Variants in UBAP2 observed in about 807,000 individuals in gnomAD.
The protein encoded by UBAP2 is ubiquitin associated protein 2.
Under a neutral mutation model 139.6 loss-of-function variants are expected in UBAP2, and 75 were observed. The observed-to-expected ratio is 0.54, with a 90% CI of 0.45 to 0.65. UBAP2 has a LOEUF of 0.65. Ranked by LOEUF, UBAP2 falls within the 30% of genes least tolerant of loss-of-function variation. The pLI is 0.00. For missense variants in UBAP2, 1,368 were observed against 1,369.6 expected (o/e 1.00, Z 0.02); for synonymous variants, 526 against 526.2 (o/e 1.00, Z 0.01).
At chr9:34,008,187 G>A (rs754831279) in intron 2 of UBAP2, among the ~76,000 whole-genome samples, 4 of 151,770 alleles carry the variant, frequency 2.6e-5, no homozygotes, top group Non-Finnish European at 5.9e-5. Context: ...GCATGGTGGC[G>A]CATGCCTGTA....
At chr9:33,978,012 C>CT (rs1173300033) in intron 6 of UBAP2, among the ~76,000 whole-genome samples, 32 of 106,872 alleles carry the variant, frequency 3.0e-4, no homozygotes, top group East Asian at 1.9e-3. Flanking sequence ...GAGACTCTGT[C>CT]TTTTAAAAAA....
intron 1 of UBAP2, among the ~76,000 whole-genome samples, chr9:34,035,514 A>AAAAAAAATAT: frequency 4.4e-5 from 1 of 22,488 alleles, no homozygotes; most frequent in South Asian, 9.7e-4. Context: ...AAAAAAAAAA[A>AAAAAAAATAT]ATATATATAT....
rs1822905287 is a variant in UBAP2, at chr9:33,921,839, C to T, written c.*665G>A. On this transcript the variant is annotated 3_prime_UTR_variant, in exon 29 of 29. Coordinates refer to ENST00000379238, the MANE Select transcript of UBAP2 (RefSeq NM_001370062.2). ...AGGGGAGCTGACTGGCTGAATAACT[C>T]AGATTATTTTTTTTTTTTTCATGGT... The T allele has an allele frequency of 6.7e-6, 1 of 149,574 alleles. No individual in the cohort carries two copies. The highest frequency in any genetic ancestry group is 1.5e-5 in the Non-Finnish European group (1 of 67,374). 9.3% of individuals were successfully genotyped at this position (149,574 alleles called of 1,614,324 possible). A position where few individuals can be genotyped will look rare whatever the true frequency, so the allele number is the denominator to read the frequency against.
intron 10 of UBAP2, among the ~76,000 whole-genome samples, chr9:33,958,110 T>C (rs964346244): frequency 2.6e-5 from 4 of 152,006 alleles, no homozygotes; most frequent in Admixed American, 2.0e-4. Flanking sequence ...TACAGGCACC[T>C]GCCATCACAC....
chr9:33,980,220 C>CTTTTTTTTTGTTTTTTTT (rs1820523520), intron 6 of UBAP2, among the ~76,000 whole-genome samples: 1 of 49,086 alleles, frequency 2.0e-5, no homozygotes, highest in African/African-American at 7.9e-5. Context: ...AGTGTCATTT[C>CTTTTTTTTTGTTTTTTTT]TTTTTTTTTT....
intron 9 of UBAP2, 85 bp downstream of exon 9, chr9:33,963,641 A>C: frequency 1.8e-5 from 14 of 760,642 alleles, no homozygotes; most frequent in Non-Finnish European, 2.8e-5. Context: ...AATTTTTATT[A>C]GCTAGCTTTG....
chr9:33,970,436 TA>T (rs1045739810), intron 8 of UBAP2, among the ~76,000 whole-genome samples: 1 of 151,556 alleles, frequency 6.6e-6, no homozygotes, highest in African/African-American at 2.4e-5. Flanking sequence ...TTGTGTGCAT[TA>T]TTTTTTTTTT....
intron 21 of UBAP2, 126 bp downstream of exon 21, chr9:33,926,863 G>C (rs1418869223): frequency 6.8e-6 from 7 of 1,033,060 alleles, no homozygotes; most frequent in Non-Finnish European, 1.0e-5. Flanking sequence ...GGGCAGAGAC[G>C]GGGGTGCTCA....
At position 33,999,324 on chromosome 9, in the gene UBAP2, T is replaced by TA. The variant is rs201516750; in HGVS notation, c.100-461dup. Among the ~76,000 whole-genome samples, 166 of 133,882 alleles carry TA rather than the reference T, an allele frequency of 1.2e-3. 1 individual carries two copies. The highest frequency in any genetic ancestry group is 1.8e-3 in the Admixed American group (24 of 13,406). 87.8% of individuals were successfully genotyped at this position (133,882 alleles called of 152,430 possible). A position where few individuals can be genotyped will look rare whatever the true frequency, so the allele number is the denominator to read the frequency against. ...GTCTCTATTTAATTTTTAAAAAGAT[T>TA]AAAAAAAAAAAAGGCTTAAAAAGTA... On this transcript the variant is annotated intron_variant, in intron 2 of 28. Coordinates refer to ENST00000379238, the MANE Select transcript of UBAP2 (RefSeq NM_001370062.2).
At chr9:34,009,728 G>A (rs1400631670) in intron 2 of UBAP2, among the ~76,000 whole-genome samples, 1 of 151,736 alleles carries the variant, frequency 6.6e-6, no homozygotes, top group Non-Finnish European at 1.5e-5. Flanking sequence ...GACTACTGGA[G>A]TAAGCCACCA....
intron 3 of UBAP2, chr9:33,997,812 T>C (rs1300197137): frequency 6.6e-6 from 1 of 152,196 alleles, no homozygotes; most frequent in East Asian, 1.9e-4. Flanking sequence ...TCAAACTGTA[T>C]GAAGATCTCA....
intron 16 of UBAP2, among the ~76,000 whole-genome samples, chr9:33,939,742 G>A (rs1251566414): frequency 3.0e-5 from 3 of 100,988 alleles, no homozygotes; most frequent in African/African-American, 1.3e-4. Flanking sequence ...AGGAGAGGGA[G>A]GGAGAAGGGG....
At chr9:34,016,182 A>C (rs1468116690) in intron 2 of UBAP2, among the ~76,000 whole-genome samples, 1 of 60,754 alleles carries the variant, frequency 1.6e-5, no homozygotes, top group Non-Finnish European at 4.6e-5. Flanking sequence ...AGGAGGAGGA[A>C]GAGGAGGAAT....
intron 2 of UBAP2, among the ~76,000 whole-genome samples, chr9:34,002,884 C>T (rs570109081): frequency 1.3e-5 from 2 of 151,802 alleles, no homozygotes; most frequent in African/African-American, 4.8e-5. Context: ...AACAAGGTTC[C>T]GCCATGTTGC....
chr9:34,039,427 G>A, intron 1 of UBAP2, among the ~76,000 whole-genome samples: 1 of 152,206 alleles, frequency 6.6e-6, no homozygotes. Context: ...GAAATGTGGG[G>A]AAAAGATAGA....
chr9:34,014,848 G>C (rs1392187562), intron 2 of UBAP2, among the ~76,000 whole-genome samples: 1 of 151,322 alleles, frequency 6.6e-6, no homozygotes, highest in Non-Finnish European at 1.5e-5. Flanking sequence ...GGAGGACCTA[G>C]CCTAAAACCT....
chr9:33,975,499 G>A (rs1188429537), intron 6 of UBAP2, among the ~76,000 whole-genome samples: 1 of 148,934 alleles, frequency 6.7e-6, no homozygotes, highest in East Asian at 2.0e-4. Flanking sequence ...GTGCACTGCT[G>A]GTAAAAACGT....
Position 33,944,232 on chromosome 9 carries a change from C to T in UBAP2, c.1545+133G>A, listed in dbSNP as rs1825470948. On this transcript the variant is annotated intron_variant, in intron 14 of 28. Coordinates refer to ENST00000379238, the MANE Select transcript of UBAP2 (RefSeq NM_001370062.2). ...TCTGGTCACTCAGAAATGGCCATAT[C>T]CTTATTATGCAATCAATAAGCTATG... 4.1e-6 allele frequency: 5 copies of T among 1,226,238 alleles called. No homozygotes were observed. The South Asian group carries it at 7.2e-5, about 18-fold the overall frequency. The allele number at this position is 1,226,238 out of a possible 1,614,324, so 76.0% of individuals were successfully genotyped here. A position where few individuals can be genotyped will look rare whatever the true frequency, so the allele number is the denominator to read the frequency against.
rs1823290739 is a variant in UBAP2 at position 34,007,156 on chromosome 9, C to A, written c.100-8292G>T. Among the ~76,000 whole-genome samples the A allele has an allele frequency of 2.0e-5, 3 of 152,096 alleles. No individual in the cohort carries two copies. In the South Asian group the frequency reaches 6.2e-4, roughly 32 times the overall value. ...ACTTCTTCCTTTGCAATCTAGACCC[C>A]TTTATTTCCTTCTCTTGCCTATTTG... On this transcript the variant is annotated intron_variant, in intron 2 of 28. Coordinates refer to ENST00000379238, the MANE Select transcript of UBAP2 (RefSeq NM_001370062.2).
Sources: gnomAD v4.1 joint callset for allele counts (sites outside exome capture counted in the v4.1 genomes callset) on GRCh38, gnomAD v4.1.1 for gene constraint, MANE v1.5 for transcripts, NCBI Gene and HGNC (gene_info 2026-07-23, HGNC 2026-07-21) for gene names.